The following TDRD12 variants were observed in gnomAD, a reference collection of about 807,000 sequenced individuals.
TDRD12 encodes tudor domain containing 12, also known as putative ATP-dependent RNA helicase TDRD12.
In TDRD12, 158 loss-of-function variants were observed where a neutral mutation model predicts 133.5. That is an observed-to-expected ratio of 1.18 (90% confidence interval 1.04 to 1.35). The LOEUF is 1.35. TDRD12 is among the 40% of genes most tolerant of loss of function. The pLI is 0.00. For missense variants in TDRD12, 1,443 were observed against 1,321.3 expected, an observed-to-expected ratio of 1.09 and a Z score of -1.43; for synonymous variants, 460 against 477.9, an observed-to-expected ratio of 0.96 and a Z score of 0.49.
At chr19:32,749,250 C>A (rs867997586) in intron 5 of TDRD12, among the ~76,000 whole-genome samples, 8 of 152,084 alleles carry the variant, frequency 5.3e-5, no homozygotes, top group Non-Finnish European at 1.0e-4. Flanking sequence ...GATGAGAATG[C>A]GGGTCTGGAG....
intron 11 of TDRD12, among the ~76,000 whole-genome samples, chr19:32,781,583 A>G (rs998285056): frequency 8.5e-5 from 13 of 152,192 alleles, no homozygotes; most frequent in African/African-American, 2.9e-4. Context: ...CACTTGATCA[A>G]TAGTTTGGGT....
At chr19:32,780,522 C>T (rs1970732779) in intron 11 of TDRD12, among the ~76,000 whole-genome samples, 1 of 152,212 alleles carries the variant, frequency 6.6e-6, no homozygotes, top group South Asian at 2.1e-4. Flanking sequence ...GACCCGAGCC[C>T]TCTGCCAAAG....
At chr19:32,765,537 C>T (rs888868990) in intron 8 of TDRD12, among the ~76,000 whole-genome samples, 31 of 152,160 alleles carry the variant, frequency 2.0e-4, no homozygotes, top group Admixed American at 2.0e-4. Flanking sequence ...GGCACATATA[C>T]ACCATGGAAT....
At chr19:32,790,968 A>G in exon 13 of TDRD12, 1 of 1,535,632 alleles carries the variant, frequency 6.5e-7, no homozygotes, top group Non-Finnish European at 8.7e-7. Flanking sequence ...TCTCAGTTGC[A>G]GAAGCTGAAG....
At chr19:32,721,718 T>TTTATTTTATTTTATTTTATTTTATG (rs1568440357) in intron 1 of TDRD12, among the ~76,000 whole-genome samples, 1 of 145,890 alleles carries the variant, frequency 6.9e-6, no homozygotes, top group African/African-American at 2.6e-5. Flanking sequence ...TTTATTTTAT[T>TTTATTTTATTTTATTTTATTTTATG]TTATTTTGAG....
At chr19:32,803,224 A>G (rs1240192411) in intron 21 of TDRD12, 82 bp downstream of exon 21, 4 of 1,104,178 alleles carry the variant, frequency 3.6e-6, no homozygotes, top group Non-Finnish European at 3.8e-6. Flanking sequence ...GTGAATTGTC[A>G]TGTATCTAGA....
chr19:32,810,229 TGGA>T (rs1966954518), exon 23 of TDRD12: 4 of 1,534,404 alleles, frequency 2.6e-6, no homozygotes, highest in Non-Finnish European at 2.6e-6. Flanking sequence ...GTGGAAAAGG[TGGA>T]GAAGTTTGGA....
chr19:32,724,377 C>T (rs1968791252), intron 1 of TDRD12, among the ~76,000 whole-genome samples: 1 of 152,024 alleles, frequency 6.6e-6, no homozygotes, highest in Non-Finnish European at 1.5e-5. Context: ...TGATACTCTC[C>T]CTCCCCTCTG....
chr19:32,817,765 G>T (rs1018340959), intron 26 of TDRD12, among the ~76,000 whole-genome samples: 6 of 150,794 alleles, frequency 4.0e-5, no homozygotes, highest in Admixed American at 6.6e-5. Context: ...CCTTGACCCC[G>T]CCCGAGGTGC....
chr19:32,799,517 T>C (rs973746495), intron 16 of TDRD12, among the ~76,000 whole-genome samples: 2 of 152,284 alleles, frequency 1.3e-5, no homozygotes, highest in Admixed American at 1.3e-4. Context: ...TCACTCTGAG[T>C]TGCTTGTTCA....
chr19:32,801,130 C>G (rs1044113600), intron 18 of TDRD12, among the ~76,000 whole-genome samples: 32 of 150,676 alleles, frequency 2.1e-4, no homozygotes, highest in Non-Finnish European at 4.1e-4. Context: ...CTTTGGGAGG[C>G]CAAGGTAGGA....
chr19:32,729,813 T>C (rs1347533865), intron 1 of TDRD12, among the ~76,000 whole-genome samples: 17 of 122,520 alleles, frequency 1.4e-4, no homozygotes, highest in Non-Finnish European at 2.5e-4. Flanking sequence ...TTTTGTGAGA[T>C]GGAGTCTTGC....
Position 32,807,574 on chromosome 19 carries a change from C to CA in TDRD12, c.2579dup (p.His860GlnfsTer4). ...AGACAAAAGGATCTGTCCTGACCGA[C>CA]ACCGTATTAATCCAGAAACGGACTT... On this transcript the variant is annotated frameshift_variant, in exon 22 of 28. Transcript: ENST00000444215. LOFTEE classifies it high-confidence loss of function. 6.5e-7 allele frequency: 1 copy of CA among 1,534,840 alleles called. No homozygotes were observed. The highest frequency in any genetic ancestry group is 1.4e-5 in the African/African-American group (1 of 73,134).
chr19:32,750,164 C>G (rs1307105985), intron 6 of TDRD12, among the ~76,000 whole-genome samples: 1 of 152,108 alleles, frequency 6.6e-6, no homozygotes, highest in Non-Finnish European at 1.5e-5. Flanking sequence ...TACTAATTTG[C>G]TGTAGCGTTA....
chr19:32,803,072 C>T, exon 21 of TDRD12: 1 of 1,535,976 alleles, frequency 6.5e-7, no homozygotes, highest in Non-Finnish European at 8.7e-7. Flanking sequence ...CGCAGGAGTT[C>T]TGGAAGCCAA....
intron 8 of TDRD12, among the ~76,000 whole-genome samples, chr19:32,767,950 A>G (rs1189017746): frequency 1.3e-5 from 2 of 152,232 alleles, no homozygotes; most frequent in Non-Finnish European, 1.5e-5. Flanking sequence ...ATTTTTAAAT[A>G]GTTGAAAAAA....
At chr19:32,809,940 C>A (rs1341178416) in intron 22 of TDRD12, among the ~76,000 whole-genome samples, 153 bp from the exon 23 acceptor site, 1 of 152,094 alleles carries the variant, frequency 6.6e-6, no homozygotes, top group African/African-American at 2.4e-5. Flanking sequence ...TTTTGCTTTG[C>A]TTTTTTGGCT....
At chr19:32,807,989 T>G (rs975366914) in intron 22 of TDRD12, among the ~76,000 whole-genome samples, 1 of 152,140 alleles carries the variant, frequency 6.6e-6, no homozygotes, top group African/African-American at 2.4e-5. Flanking sequence ...TTTGGGAGAC[T>G]GAGGTGAGCA....
chr19:32,810,557 C>G (rs1324042987), intron 23 of TDRD12, among the ~76,000 whole-genome samples: 1 of 152,228 alleles, frequency 6.6e-6, no homozygotes, highest in Non-Finnish European at 1.5e-5. Flanking sequence ...AAGTGGGCAT[C>G]ATTCCCATTC....
Sources: gnomAD v4.1 joint callset for allele counts (sites outside exome capture counted in the v4.1 genomes callset) on GRCh38, gnomAD v4.1.1 for gene constraint, MANE v1.5 for transcripts, NCBI Gene and HGNC (gene_info 2026-07-23, HGNC 2026-07-21) for gene names.